Variants in ARHGEF3 observed in about 807,000 individuals in gnomAD.
ARHGEF3 encodes the protein Rho guanine nucleotide exchange factor 3.
In ARHGEF3, 28 loss-of-function variants were observed where a neutral mutation model predicts 63.2. The observed-to-expected ratio is 0.44, with a 90% confidence interval of 0.33 to 0.61. The LOEUF (loss-of-function observed/expected upper bound fraction) is 0.61. ARHGEF3 is among the 20% of genes least tolerant of loss of function. ARHGEF3 has a pLI of 0.03. For synonymous variants in ARHGEF3, 266 were observed against 254.2 expected (o/e 1.05, Z -0.44); for missense variants, 533 against 659.3 (o/e 0.81, Z 2.10).
At chr3:56,943,436 C>G (rs140173520) in intron 3 of ARHGEF3, among the ~76,000 whole-genome samples, 8 of 152,240 alleles carry the variant, frequency 5.3e-5, no homozygotes, top group African/African-American at 1.7e-4. Context: ...TTGAGACTTA[C>G]CGCTCAGAAA....
intron 3 of ARHGEF3, among the ~76,000 whole-genome samples, chr3:56,887,008 AC>A (rs1439120400): frequency 6.6e-6 from 1 of 152,152 alleles, no homozygotes; most frequent in Admixed American, 6.5e-5. Flanking sequence ...CAAGAAAATA[AC>A]CTTTATTCTA....
intron 7 of ARHGEF3, among the ~76,000 whole-genome samples, chr3:56,740,101 T>A (rs934399777): frequency 6.6e-6 from 1 of 152,070 alleles, no homozygotes; most frequent in African/African-American, 2.4e-5. Context: ...GCTTTCTCCA[T>A]GTTGGCCAGG....
intron 3 of ARHGEF3, among the ~76,000 whole-genome samples, chr3:56,954,230 T>G (rs909307775): frequency 6.6e-6 from 1 of 152,178 alleles, no homozygotes; most frequent in Non-Finnish European, 1.5e-5. Flanking sequence ...CATTTCCTAG[T>G]TAACTTACAG....
In ARHGEF3 at chr3:56,776,841, C is replaced by T. The variant is rs114671448; in HGVS notation, c.97-3025G>A. Among the ~76,000 whole-genome samples, 975 of 152,192 alleles carry T rather than the reference C, an allele frequency of 6.4e-3. 16 individuals are homozygous for T. Among genetic ancestry groups the T allele is most frequent in the African/African-American group, 0.023 (936 of 41,504 alleles). ...CAAGGTCAATGCTAAACCCAGGAAC[C>T]AAGTGTCCTGTTTCAAGTGCAGACA... is the stretch of plus-strand genomic sequence containing the variant. On this transcript the variant is annotated intron_variant, in intron 1 of 9. Transcript: ENST00000296315.
intron 2 of ARHGEF3, among the ~76,000 whole-genome samples, chr3:57,029,160 G>T (rs1274916272): frequency 2.0e-5 from 3 of 152,160 alleles, no homozygotes; most frequent in African/African-American, 7.2e-5. Context: ...GCCGGGCGTG[G>T]TGGCTCACGC....
chr3:56,909,555 G>GT (rs1477582571), intron 3 of ARHGEF3, among the ~76,000 whole-genome samples: 1 of 152,168 alleles, frequency 6.6e-6, no homozygotes, highest in African/African-American at 2.4e-5. Context: ...CGAGCTTGCT[G>GT]TATCTGCCCA....
At chr3:56,977,661 G>A (rs1701175995) in intron 2 of ARHGEF3, among the ~76,000 whole-genome samples, 1 of 152,156 alleles carries the variant, frequency 6.6e-6, no homozygotes, top group Non-Finnish European at 1.5e-5. Flanking sequence ...CAGAGAAATG[G>A]AGATTTGCAA....
chr3:56,916,216 A>C, intron 3 of ARHGEF3: 1 of 1,442,790 alleles, frequency 6.9e-7, no homozygotes, highest in Non-Finnish European at 9.2e-7. Flanking sequence ...AGAACACTGC[A>C]TCCTCCCACA....
chr3:56,984,977 G>A (rs1316967551), intron 2 of ARHGEF3, among the ~76,000 whole-genome samples: 1 of 152,210 alleles, frequency 6.6e-6, no homozygotes, highest in Non-Finnish European at 1.5e-5. Flanking sequence ...AGTATTATGG[G>A]AAGTCATATT....
rs544823183 is a variant in ARHGEF3 at position 57,018,291 on chromosome 3, A to C, written c.62+16797T>G. 7.8e-3 allele frequency among the ~76,000 whole-genome samples: 1,185 copies of C among 152,022 alleles called. 15 individuals carry two copies. The highest frequency in any genetic ancestry group is 0.026 in the African/African-American group (1,057 of 41,400). On this transcript the variant is annotated intron_variant, in intron 2 of 12. Transcript: ENST00000338458. ...AAGGCTCTGTCACAAAAAAAAAAAAAAAAAAAACTTTAAAGGCCAAAAAGG... is the reference window on the plus strand; with the variant it reads ...AAGGCTCTGTCACAAAAAAAAAAAACAAAAAAACTTTAAAGGCCAAAAAGG...
At chr3:56,967,349 AT>A (rs1451738455) in intron 2 of ARHGEF3, among the ~76,000 whole-genome samples, 1 of 100,546 alleles carries the variant, frequency 9.9e-6, no homozygotes, top group African/African-American at 3.9e-5. Context: ...CATATCATAT[AT>A]TATATAATAT....
At chr3:57,063,559 G>A (rs533659215) in intron 1 of ARHGEF3, among the ~76,000 whole-genome samples, 1 of 152,298 alleles carries the variant, frequency 6.6e-6, no homozygotes, top group East Asian at 1.9e-4. Context: ...AAAAGTCAAA[G>A]ATGACGCCCC....
chr3:56,729,287 C>T lies in ARHGEF3; in HGVS notation c.1564G>A (p.Gly522Ser), dbSNP rs139835615. Residue 522 changes from glycine to serine, a missense_variant, in exon 10 of 10, where the codon GGT becomes AGT. Coordinates refer to ENST00000296315, the MANE Select transcript of ARHGEF3 (RefSeq NM_019555.3). Reference protein sequence around the residue: ...TDSSCGNSRHGESNV With the variant: ...TDSSCGNSRHSESNV Reference sequence around the variant, plus strand: ...TGCTTCTGTCAGACGTTACTTTCACCGTGCCTGCTGTTTCCACAGGAAGAG... The same window carrying T: ...TGCTTCTGTCAGACGTTACTTTCACTGTGCCTGCTGTTTCCACAGGAAGAG... 8 of 1,612,056 alleles carry T rather than the reference C, an allele frequency of 5.0e-6. No individual in the cohort carries two copies. In the African/African-American group the frequency reaches 6.7e-5, roughly 13 times the overall value.
At chr3:56,858,736 T>C (rs1308765496) in intron 4 of ARHGEF3, among the ~76,000 whole-genome samples, 1 of 152,162 alleles carries the variant, frequency 6.6e-6, no homozygotes, top group Non-Finnish European at 1.5e-5. Flanking sequence ...AAGGAAAGAA[T>C]AAACCTTGAA....
At chr3:56,731,473 G>GT (rs2107680824) in intron 9 of ARHGEF3, 1 of 152,042 alleles carries the variant, frequency 6.6e-6, no homozygotes, top group East Asian at 1.9e-4. Context: ...AGAGAGTGCA[G>GT]TGAGCCGAGA....
chr3:56,802,405 C>CG (rs1435796308), upstream of ARHGEF3, among the ~76,000 whole-genome samples: 3 of 152,184 alleles, frequency 2.0e-5, no homozygotes, highest in South Asian at 2.1e-4. Context: ...GGCCACTGCA[C>CG]GTTTTTTTTG....
chr3:56,780,150 C>T (rs2036499275), intron 1 of ARHGEF3, among the ~76,000 whole-genome samples: 1 of 152,146 alleles, frequency 6.6e-6, no homozygotes, highest in South Asian at 2.1e-4. Context: ...CATTATTCTG[C>T]CCAAAAACAG....
Position 56,729,298 on chromosome 3 carries a change from T to C in ARHGEF3, c.1553A>G (p.Asn518Ser), listed in dbSNP as rs1254801267. The change falls in exon 10 of 10, where the codon AAC (asparagine) becomes AGC (serine). Residue 518 changes from asparagine (N) to serine (S), a missense_variant. Transcript: ENST00000296315. ...RMEQTDSSCG[N>S]SRHGESNV ...GACGTTACTTTCACCGTGCCTGCTGTTTCCACAGGAAGAGTCTGTCTGTTC... is the reference window on the plus strand; with the variant it reads ...GACGTTACTTTCACCGTGCCTGCTGCTTCCACAGGAAGAGTCTGTCTGTTC... 13 of 1,613,574 alleles carry C rather than the reference T, an allele frequency of 8.1e-6. No homozygotes were observed. Among genetic ancestry groups the C allele is most frequent in the African/African-American group, 4.0e-5 (3 of 74,912 alleles).
chr3:57,057,849 C>T (rs1271646264), intron 1 of ARHGEF3, among the ~76,000 whole-genome samples: 1 of 152,120 alleles, frequency 6.6e-6, no homozygotes, highest in East Asian at 1.9e-4. Context: ...AACAGACAAA[C>T]TGGGGGGCTT....
Sources: gnomAD v4.1 joint callset for allele counts (sites outside exome capture counted in the v4.1 genomes callset) on GRCh38, gnomAD v4.1.1 for gene constraint, MANE v1.5 for transcripts, NCBI Gene and HGNC (gene_info 2026-07-23, HGNC 2026-07-21) for gene names.